EHBP1: variants seen among roughly 807,000 people sequenced by gnomAD.
EHBP1 encodes the protein EH domain-binding protein 1.
A neutral mutation model predicts 144.0 loss-of-function variants in EHBP1; 55 were observed. The ratio of observed to expected loss-of-function variants is 0.38; its 90% confidence interval spans 0.31 to 0.48. The LOEUF is 0.48. Ranked by LOEUF, EHBP1 falls within the 20% of genes least tolerant of loss-of-function variation. EHBP1 has a pLI of 0.98. For synonymous variants in EHBP1, 469 were observed against 472.7 expected (o/e 0.99, Z 0.10); for missense variants, 1,200 against 1,364.2 (o/e 0.88, Z 1.90).
chr2:62,797,499 T>C (rs1276327556), intron 5 of EHBP1, among the ~76,000 whole-genome samples: 1 of 152,262 alleles, frequency 6.6e-6, no homozygotes. Flanking sequence ...TACCTGTTAG[T>C]GTACTTATCT....
chr2:62,756,787 A>G (rs2040329507), intron 3 of EHBP1, among the ~76,000 whole-genome samples: 1 of 151,656 alleles, frequency 6.6e-6, no homozygotes, highest in African/African-American at 2.4e-5. Context: ...AAAAAAAAAA[A>G]AAGACAGAAA....
chr2:62,689,773 C>T (rs2033842276), intron 1 of EHBP1, among the ~76,000 whole-genome samples: 1 of 152,036 alleles, frequency 6.6e-6, no homozygotes, highest in African/African-American at 2.4e-5. Flanking sequence ...TGACTTTTTC[C>T]TGATGAAACC....
At chr2:62,832,757 G>A (rs1377566589) in intron 7 of EHBP1, among the ~76,000 whole-genome samples, 3 of 152,008 alleles carry the variant, frequency 2.0e-5, no homozygotes, top group Admixed American at 2.0e-4. Flanking sequence ...CTGTTCCCTG[G>A]CTCTGTTCCT....
At chr2:63,021,418 A>T (rs1033168388) in intron 19 of EHBP1, among the ~76,000 whole-genome samples, 1 of 152,196 alleles carries the variant, frequency 6.6e-6, no homozygotes, top group Admixed American at 6.5e-5. Context: ...AATAACTAGG[A>T]GGAAGCCTTA....
chr2:62,859,070 G>A (rs2049301833), intron 7 of EHBP1, 99 bp from the exon 8 acceptor site: 23 of 1,148,426 alleles, frequency 2.0e-5, no homozygotes, highest in Non-Finnish European at 2.7e-5. Context: ...TTATTTGCAG[G>A]TATTATTCGT....
rs116123596 is a variant in EHBP1 at position 62,684,361 on chromosome 2, T to A, written c.-296+10278T>A. 8.6e-3 allele frequency among the ~76,000 whole-genome samples: 1,310 copies of A among 152,248 alleles called. 8 individuals are homozygous for A. Among genetic ancestry groups the A allele is most frequent in the Non-Finnish European group, 0.014 (948 of 68,018 alleles). Reference sequence around the variant, plus strand: ...TTACTCCTTGGGAAAGAAGGAGAGATACTAGAACACTGCTTCTGCTCCATT... The same window carrying A: ...TTACTCCTTGGGAAAGAAGGAGAGAAACTAGAACACTGCTTCTGCTCCATT... On this transcript the variant is annotated intron_variant, in intron 1 of 22. Transcript: ENST00000405015.
chr2:62,909,179 G>C (rs186827645), intron 10 of EHBP1, among the ~76,000 whole-genome samples: 4 of 152,224 alleles, frequency 2.6e-5, no homozygotes, highest in Admixed American at 2.0e-4. Context: ...CTTGTGAACA[G>C]AGCCTTCCCC....
At chr2:62,747,553 G>A (rs1033225998) in intron 3 of EHBP1, 101 bp downstream of exon 3, 1 of 848,962 alleles carries the variant, frequency 1.2e-6, no homozygotes, top group African/African-American at 1.8e-5. Context: ...TTGATGTTTT[G>A]TTTTTTTTTC....
chr2:62,724,581 C>T (rs759818882), intron 2 of EHBP1, among the ~76,000 whole-genome samples: 2 of 151,624 alleles, frequency 1.3e-5, no homozygotes, highest in Non-Finnish European at 2.9e-5. Flanking sequence ...TTTTGTTGGT[C>T]CTTTTTCATC....
Position 62,859,261 on chromosome 2 carries a change from T to A in EHBP1, c.727T>A (p.Leu243Ile). The change falls in exon 8 of 23, where the codon TTA (leucine) becomes ATA (isoleucine). Residue 243 changes from leucine (L) to isoleucine (I), a missense_variant. By Grantham distance (5) the Leu-to-Ile change is conservative (BLOSUM62 2). This residue lies in a region of EHBP1 where 266 missense variants were observed against 262.4 expected (regional missense o/e 1.01). Coordinates refer to ENST00000431489, the MANE Select transcript of EHBP1 (RefSeq NM_001142616.3). ...NPFDDPDAAELNPFGDPDSEE... is the reference protein window; with the variant it reads ...NPFDDPDAAEINPFGDPDSEE... ...ATTTGATGATCCTGATGCTGCAGAA[T>A]TAAATCCATTTGGAGATCCTGACTC... 6.2e-7 allele frequency: 1 copy of A among 1,609,154 alleles called. No homozygotes were observed. The highest frequency in any genetic ancestry group is 1.1e-5 in the South Asian group (1 of 90,268).
At chr2:62,929,002 C>T (rs2055762004) in intron 10 of EHBP1, among the ~76,000 whole-genome samples, 1 of 152,012 alleles carries the variant, frequency 6.6e-6, no homozygotes, top group Non-Finnish European at 1.5e-5. Flanking sequence ...AGACAAATTC[C>T]TAGAAACAGA....
chr2:62,760,781 C>G (rs1018808085), intron 3 of EHBP1, among the ~76,000 whole-genome samples: 1 of 152,182 alleles, frequency 6.6e-6, no homozygotes, highest in Non-Finnish European at 1.5e-5. Flanking sequence ...AGTCTGGGCT[C>G]TCCTCCTGGT....
chr2:62,812,630 A>G (rs1158723174), intron 5 of EHBP1, among the ~76,000 whole-genome samples: 1 of 152,166 alleles, frequency 6.6e-6, no homozygotes, highest in African/African-American at 2.4e-5. Flanking sequence ...AATAAAGACC[A>G]TCCTTATTAT....
At chr2:62,721,311 CCT>C (rs1268644257) in intron 2 of EHBP1, among the ~76,000 whole-genome samples, 1 of 152,048 alleles carries the variant, frequency 6.6e-6, no homozygotes, top group Non-Finnish European at 1.5e-5. Flanking sequence ...GCCTCTAGCC[CCT>C]GTCACATAAT....
chr2:62,703,217 AT>A (rs2034328861), upstream of EHBP1, among the ~76,000 whole-genome samples: 1 of 151,896 alleles, frequency 6.6e-6, no homozygotes, highest in Non-Finnish European at 1.5e-5. Context: ...AAAAAAAAAA[AT>A]TAGCCAGTCG....
intron 8 of EHBP1, among the ~76,000 whole-genome samples, chr2:62,860,442 A>G (rs920801488): frequency 1.7e-4 from 26 of 152,202 alleles, no homozygotes; most frequent in Admixed American, 3.9e-4. Flanking sequence ...AGTGACCAAG[A>G]TCGCGCCATT....
chr2:62,870,521 C>T (rs1400696203), intron 9 of EHBP1, among the ~76,000 whole-genome samples: 1 of 151,708 alleles, frequency 6.6e-6, no homozygotes, highest in East Asian at 1.9e-4. Flanking sequence ...TTGAGACCAG[C>T]CTGACCAACA....
At chr2:62,995,561 G>C (rs2059596434) in intron 18 of EHBP1, among the ~76,000 whole-genome samples, 1 of 152,036 alleles carries the variant, frequency 6.6e-6, no homozygotes, top group South Asian at 2.1e-4. Flanking sequence ...TCACATGCTA[G>C]GAAGGGAAGG....
At chr2:63,018,495 A>G (rs2060574935) in intron 19 of EHBP1, among the ~76,000 whole-genome samples, 1 of 152,202 alleles carries the variant, frequency 6.6e-6, no homozygotes, top group Non-Finnish European at 1.5e-5. Context: ...GGATTTCTAG[A>G]AAGGAACCTT....
Sources: gnomAD v4.1 joint callset for allele counts (sites outside exome capture counted in the v4.1 genomes callset) on GRCh38, gnomAD v4.1.1 for gene constraint, gnomAD v4.1.1 regional missense constraint, MANE v1.5 for transcripts, NCBI Gene and HGNC (gene_info 2026-07-23, HGNC 2026-07-21) for gene names.